The following PNCK variants were observed in gnomAD, a reference collection of about 807,000 sequenced individuals.
The protein encoded by PNCK is calcium/calmodulin-dependent protein kinase type 1B.
Under a neutral mutation model 28.3 loss-of-function variants are expected in PNCK, and 21 were observed. That is an observed-to-expected ratio of 0.74 (90% CI 0.53 to 1.07). PNCK has a LOEUF of 1.07. PNCK is among the 50% of genes least tolerant of loss of function. PNCK has a pLI of 0.00. For missense variants in PNCK, 250 were observed against 298.3 expected, an observed-to-expected ratio of 0.84 and a Z score of 1.19; for synonymous variants, 136 against 125.2, an observed-to-expected ratio of 1.09 and a Z score of -0.58.
Position 153,672,626 on chromosome X carries a change from G to T in PNCK, c.140C>A (p.Pro47His). 1 of 1,207,754 alleles carries T rather than the reference G, an allele frequency of 8.3e-7. No individual in the cohort carries two copies. The part of the protein sequence containing the change: ...SAHLVALKCI[P>H]KKALRGKEAL... ...CTCCTTGCCCCGGAGGGCCTTCTTGGGGATGCACTTGAGGGCCACGAGGTG... is the reference window on the plus strand; with the variant it reads ...CTCCTTGCCCCGGAGGGCCTTCTTGTGGATGCACTTGAGGGCCACGAGGTG... The change falls in exon 3 of 12, where the codon CCC (proline) becomes CAC (histidine). Residue 47 changes from proline (P) to histidine (H), a missense_variant. Pro to His is a moderately conservative substitution (Grantham distance 77). Transcript: ENST00000340888.
intron 6 of PNCK, 73 bp from the exon 7 acceptor site, chrX:153,671,433 C>A: frequency 8.3e-7 from 1 of 1,211,742 alleles, no homozygotes. Flanking sequence ...ACTGGCTCGG[C>A]CTACTCAAGC....
chrX:153,673,761 C>T lies in PNCK; in HGVS notation c.-3+19G>A, dbSNP rs1208443696. 4 of 743,783 alleles carry T rather than the reference C, an allele frequency of 5.4e-6. No homozygotes were observed. Among genetic ancestry groups the T allele is most frequent in the South Asian group, 1.3e-4 (2 of 14,938 alleles). The allele number at this position is 743,783 out of a possible 1,213,427, so 61.3% of individuals were successfully genotyped here. On this transcript the variant is annotated intron_variant, in intron 1 of 11. Transcript: ENST00000340888. ...CGCCCCCGCCCCGCGCGTCCCCGCGCCCCGGAGCAGGTGCAGACCTGGAGC... is the reference window on the plus strand; with the variant it reads ...CGCCCCCGCCCCGCGCGTCCCCGCGTCCCGGAGCAGGTGCAGACCTGGAGC...
Position 153,670,490 on chromosome X carries a change from T to C in PNCK, c.999A>G (p.Ser333=). The C allele has an allele frequency of 8.3e-7, 1 of 1,210,894 alleles. No homozygotes were observed. Among genetic ancestry groups the C allele is most frequent in the Non-Finnish European group, 1.1e-6 (1 of 895,340 alleles). ...SEQGMARHSH[S]GLRAGQPPKW ...TGGGGGGCTGGCCAGCACGGAGGCC[T>C]GAGTGGCTGTGGCGGGCCATGCCCT... Residue 333 remains serine (S), a synonymous_variant, in exon 11 of 12, where the codon TCA becomes TCG. Coordinates refer to ENST00000340888, the MANE Select transcript of PNCK (RefSeq NM_001366977.1).
intron 1 of PNCK, among the ~76,000 whole-genome samples, chrX:153,685,711 A>G (rs1401929712): frequency 8.8e-6 from 1 of 113,250 alleles, no homozygotes. Flanking sequence ...TTCTACCTCC[A>G]GGGCACAGAA....
In PNCK at chrX:153,672,639, G is replaced by A; in HGVS notation, c.127C>T (p.Leu43Phe). The change falls in exon 3 of 12, where the codon CTC (leucine) becomes TTC (phenylalanine). Residue 43 changes from leucine (L) to phenylalanine (F), a missense_variant. Transcript: ENST00000340888. ...AGGGCCTTCTTGGGGATGCACTTGA[G>A]GGCCACGAGGTGTGCGGAGCCCCGC... Reference protein sequence around the residue: ...QERGSAHLVALKCIPKKALRG... With the variant: ...QERGSAHLVAFKCIPKKALRG... 1 of 1,206,933 alleles carries A rather than the reference G, an allele frequency of 8.3e-7. No individual in the cohort carries two copies. The highest frequency in any genetic ancestry group is 1.1e-6 in the Non-Finnish European group (1 of 895,367).
chrX:153,673,656 G>T, intron 1 of PNCK, 124 bp downstream of exon 1: 2 of 378,039 alleles, frequency 5.3e-6, no homozygotes, highest in Non-Finnish European at 6.8e-6. Flanking sequence ...GACCGAGCGC[G>T]TGCGGGCAGG....
chrX:153,684,967 C>G (rs2091412120), intron 1 of PNCK, among the ~76,000 whole-genome samples: 1 of 104,147 alleles, frequency 9.6e-6, no homozygotes, highest in Non-Finnish European at 2.0e-5. Flanking sequence ...CCGCCCCTCC[C>G]CGGTCGCCTC....
intron 1 of PNCK, among the ~76,000 whole-genome samples, chrX:153,683,958 C>T (rs1410082501): frequency 5.3e-5 from 6 of 112,254 alleles, no homozygotes; most frequent in Non-Finnish European, 9.4e-5. Context: ...GGAGAAGTTA[C>T]AAATCTCTTG....
chrX:153,670,284 G>C (rs1291832673), intron 11 of PNCK, among the ~76,000 whole-genome samples, 154 bp from the exon 12 acceptor site: 1 of 112,424 alleles, frequency 8.9e-6, no homozygotes, highest in African/African-American at 3.2e-5. Flanking sequence ...GGCCCTCCCT[G>C]TCCTTCCACC....
At chrX:153,678,536 C>T (rs782188997), upstream of PNCK, among the ~76,000 whole-genome samples, 4 of 112,129 alleles carry the variant, frequency 3.6e-5, no homozygotes, top group Admixed American at 9.5e-5. Flanking sequence ...TCTTGAATTC[C>T]GGTATAAAGG....
At chrX:153,681,000 G>A (rs982840817) in intron 1 of PNCK, among the ~76,000 whole-genome samples, 2 of 94,525 alleles carry the variant, frequency 2.1e-5, no homozygotes, top group Non-Finnish European at 4.0e-5. Context: ...CTGTCCGCCC[G>A]CCTGGGCAAC....
At chrX:153,681,277 G>GC (rs1557042452) in intron 1 of PNCK, among the ~76,000 whole-genome samples, 7 of 110,087 alleles carry the variant, frequency 6.4e-5, no homozygotes, top group Admixed American at 2.9e-4. Context: ...CCAGGAGGTG[G>GC]CCCCGCTCCC....
chrX:153,672,668 TG>T lies in PNCK; in HGVS notation c.97del (p.Gln33ArgfsTer61). On this transcript the variant is annotated frameshift_variant, in exon 3 of 12. Transcript: ENST00000340888. LOFTEE classifies it high-confidence loss of function. Reference sequence around the variant, plus strand: ...CACGAGGTGTGCGGAGCCCCGCTCCTGGGCCAGCACCACCTCGGAGAAGGCA... The same window carrying T: ...CACGAGGTGTGCGGAGCCCCGCTCCTGGCCAGCACCACCTCGGAGAAGGCA... ...SGAFSEVVLAQERGSAHLVAL... is the reference protein window; with the variant it reads ...SGAFSEVVLAXERGSAHLVAL... The T allele has an allele frequency of 8.3e-7, 1 of 1,203,145 alleles. No homozygotes were observed.
intron 1 of PNCK, among the ~76,000 whole-genome samples, chrX:153,682,715 G>A (rs979949419): frequency 8.9e-6 from 1 of 111,778 alleles, no homozygotes; most frequent in Non-Finnish European, 1.9e-5. Context: ...CCTTAAGAAA[G>A]TTCTTTGTAA....
In PNCK at chrX:153,670,086, A is replaced by G. The variant is rs1356009350; in HGVS notation, c.*52T>C. 1.7e-5 allele frequency: 5 copies of G among 289,034 alleles called. No individual in the cohort carries two copies. The Admixed American group carries it at 2.5e-4, about 14-fold the overall frequency. The allele number at this position is 289,034 out of a possible 1,213,427, so 23.8% of individuals were successfully genotyped here. Reference sequence around the variant, plus strand: ...TGGGGGAGGGGACCGAAAGCATCCAAGGGAAGGAAATCTGGGGGTCAGTCC... The same window carrying G: ...TGGGGGAGGGGACCGAAAGCATCCAGGGGAAGGAAATCTGGGGGTCAGTCC... On this transcript the variant is annotated 3_prime_UTR_variant, in exon 12 of 12. Transcript: ENST00000340888.
chrX:153,672,865 T>A, intron 2 of PNCK, 144 bp downstream of exon 2: 1 of 928,984 alleles, frequency 1.1e-6, no homozygotes, highest in Non-Finnish European at 1.5e-6. Flanking sequence ...ACAGACTCAC[T>A]CACATTCACA....
At chrX:153,680,559 T>A (rs1262131733) in intron 1 of PNCK, among the ~76,000 whole-genome samples, 2 of 110,390 alleles carry the variant, frequency 1.8e-5, no homozygotes, top group African/African-American at 6.6e-5. Context: ...GATTTTTTTT[T>A]TATAGCAATG....
Position 153,672,569 on chromosome X carries a change from CG to C in PNCK, c.196del (p.Arg66ValfsTer28). On this transcript the variant is annotated frameshift_variant, in exon 3 of 12. Coordinates refer to ENST00000340888, the MANE Select transcript of PNCK (RefSeq NM_001366977.1). LOFTEE classifies it high-confidence loss of function. ...ALVENEIAVL[R>X]RISHPNIVAL... is the part of the protein sequence containing the mutation. ...CAGGGCCCCGCGAGGTGCGCACCTACGGAGCACTGCGATCTCGTTCTCCACC... is the reference window on the plus strand; with the variant it reads ...CAGGGCCCCGCGAGGTGCGCACCTACGAGCACTGCGATCTCGTTCTCCACC... 5.8e-6 allele frequency: 7 copies of C among 1,205,851 alleles called. No homozygotes were observed. Among genetic ancestry groups the C allele is most frequent in the Non-Finnish European group, 7.8e-6 (7 of 895,052 alleles).
At chrX:153,677,712 A>AGTG (rs1557041894), upstream of PNCK, among the ~76,000 whole-genome samples, 14 of 97,780 alleles carry the variant, frequency 1.4e-4, no homozygotes, top group African/African-American at 5.4e-4. Context: ...GTGTATATAT[A>AGTG]TAGTGCATAT....
Sources: allele counts gnomAD v4.1 joint callset (sites outside exome capture counted in the v4.1 genomes callset), GRCh38; gene constraint gnomAD v4.1.1; transcripts MANE v1.5; gene names NCBI Gene and HGNC (gene_info 2026-07-23, HGNC 2026-07-21).